COPS4: variants seen among roughly 807,000 people sequenced by gnomAD.
COPS4 encodes COP9 signalosome subunit 4.
Under a neutral mutation model 55.1 loss-of-function variants are expected in COPS4, and 8 were observed. The ratio of observed to expected loss-of-function variants is 0.15; its 90% CI spans 0.09 to 0.26. The LOEUF (loss-of-function observed/expected upper bound fraction) is 0.26, where lower values mean the gene tolerates loss of function less well. Among genes scored for constraint, COPS4 ranks in the 10% least tolerant of loss-of-function variants. COPS4 has a pLI of 1.00. For synonymous variants in COPS4, 185 were observed against 165.7 expected (o/e 1.12, Z -0.90); for missense variants, 248 against 484.0 (o/e 0.51, Z 4.58).
chr4:83,056,849 A>T (rs1393518897), intron 4 of COPS4, 77 bp from the exon 5 acceptor site: 3 of 1,233,850 alleles, frequency 2.4e-6, no homozygotes, highest in Non-Finnish European at 3.4e-6. Context: ...TCAGGAAAAA[A>T]CAACATATCT....
At chr4:83,044,840 G>GTT (rs1448923865) in intron 1 of COPS4, among the ~76,000 whole-genome samples, 1 of 152,174 alleles carries the variant, frequency 6.6e-6, no homozygotes, top group African/African-American at 2.4e-5. Flanking sequence ...CACTCGTTAA[G>GTT]AAATAAAACA....
chr4:83,066,348 T>TA, intron 7 of COPS4, 90 bp from the exon 8 acceptor site: 1 of 609,758 alleles, frequency 1.6e-6, no homozygotes, highest in African/African-American at 1.9e-5. Context: ...GATGAGTTAT[T>TA]ACGTGCCTAG....
intron 7 of COPS4, among the ~76,000 whole-genome samples, chr4:83,064,207 C>T (rs1376764715): frequency 6.6e-6 from 1 of 152,056 alleles, no homozygotes; most frequent in Non-Finnish European, 1.5e-5. Context: ...CATGGTGGTA[C>T]ATACCTGTGG....
At chr4:83,035,707 T>A in intron 1 of COPS4, 1 of 174,448 alleles carries the variant, frequency 5.7e-6, no homozygotes, top group Non-Finnish European at 1.3e-5. Context: ...CAGAGAAATG[T>A]ATATTCTGGG....
chr4:83,053,009 A>G (rs1730923174), intron 4 of COPS4, among the ~76,000 whole-genome samples: 1 of 152,218 alleles, frequency 6.6e-6, no homozygotes, highest in African/African-American at 2.4e-5. Context: ...AGAGTGGGAC[A>G]ATGAATGGAC....
At chr4:83,046,348 G>A (rs964136183) in intron 2 of COPS4, among the ~76,000 whole-genome samples, 6 of 152,198 alleles carry the variant, frequency 3.9e-5, no homozygotes, top group African/African-American at 1.4e-4. Flanking sequence ...ATGTAAATTA[G>A]TTCAGCCACT....
chr4:83,068,435 T>C lies in COPS4; in HGVS notation c.1003-3T>C, dbSNP rs1283403046. The C allele has an allele frequency of 6.3e-7, 1 of 1,597,182 alleles. No individual in the cohort carries two copies. The highest frequency in any genetic ancestry group is 8.6e-7 in the Non-Finnish European group (1 of 1,167,036). The stretch of plus-strand genomic sequence containing the variant: ...TTCTGAGAGTTTTTTTTTCCCCCAA[T>C]AGGCGGAAAAGATAGCATCTCAAAT... On this transcript the variant is annotated splice_region_variant and splice_polypyrimidine_tract_variant and intron_variant, in intron 8 of 9. Transcript: ENST00000264389.
In COPS4 at chr4:83,047,333, C is replaced by T. The variant is rs186334576; in HGVS notation, c.154+1628C>T. On this transcript the variant is annotated intron_variant, in intron 2 of 9. Coordinates refer to ENST00000264389, the MANE Select transcript of COPS4 (RefSeq NM_016129.3). ...GAGTCATGGCACCCAGCCAAGGGAT[C>T]ACTTGAGCTCAGGAGTTCAAAACCA... Among the ~76,000 whole-genome samples the T allele has an allele frequency of 1.1e-3, 171 of 152,260 alleles. 1 individual carries two copies. Among genetic ancestry groups the T allele is most frequent in the African/African-American group, 4.0e-3 (166 of 41,564 alleles).
intron 4 of COPS4, among the ~76,000 whole-genome samples, chr4:83,053,662 G>A (rs1232003855): frequency 6.6e-6 from 1 of 151,926 alleles, no homozygotes; most frequent in African/African-American, 2.4e-5. Flanking sequence ...CCAACATGGT[G>A]AAACCTTGTT....
In COPS4 at chr4:83,039,508, A is replaced by C. The variant is rs528336159; in HGVS notation, c.74+4210A>C. 1.4e-4 allele frequency among the ~76,000 whole-genome samples: 21 copies of C among 152,306 alleles called. No individual in the cohort carries two copies. In the South Asian group the frequency reaches 4.4e-3, roughly 32 times the overall value. On this transcript the variant is annotated intron_variant, in intron 1 of 9. Coordinates refer to ENST00000264389, the MANE Select transcript of COPS4 (RefSeq NM_016129.3). The stretch of plus-strand genomic sequence containing the variant: ...ATTGTAAAGGGACATGGGTACTGGG[A>C]GTGAAATTATATTGTGGCCGTTTTT...
intron 2 of COPS4, among the ~76,000 whole-genome samples, chr4:83,047,498 G>T (rs886584914): frequency 7.2e-5 from 11 of 151,904 alleles, no homozygotes; most frequent in African/African-American, 2.2e-4. Flanking sequence ...AGACTGAAGT[G>T]AGCTGAGGTT....
intron 6 of COPS4, among the ~76,000 whole-genome samples, chr4:83,058,544 T>C (rs1003737646): frequency 1.3e-5 from 2 of 152,182 alleles, no homozygotes; most frequent in Non-Finnish European, 2.9e-5. Flanking sequence ...AGACTAGTTA[T>C]CTTATTTATT....
chr4:83,045,177 G>A (rs1669970416), intron 1 of COPS4, among the ~76,000 whole-genome samples: 1 of 152,176 alleles, frequency 6.6e-6, no homozygotes, highest in Admixed American at 6.5e-5. Context: ...TCTGTAAGAG[G>A]AAAAGATTCA....
chr4:83,065,623 G>A (rs1731275411), intron 7 of COPS4, among the ~76,000 whole-genome samples: 1 of 152,202 alleles, frequency 6.6e-6, no homozygotes, highest in Admixed American at 6.5e-5. Flanking sequence ...TTCAAAGTAG[G>A]ACCCTGGGTC....
In COPS4 at chr4:83,075,579, A is replaced by T. The variant is rs188159951; in HGVS notation, c.*149A>T. On this transcript the variant is annotated 3_prime_UTR_variant, in exon 10 of 10. Coordinates refer to ENST00000264389, the MANE Select transcript of COPS4 (RefSeq NM_016129.3). ...TAAAGAAGACATTATTAGAGCAGGA[A>T]GTACAAGCATTTAAAATATGTAGTT... 20 of 787,296 alleles carry T rather than the reference A, an allele frequency of 2.5e-5. No individual in the cohort carries two copies. The highest frequency in any genetic ancestry group is 3.8e-5 in the Non-Finnish European group (20 of 525,612). The allele number at this position is 787,296 out of a possible 1,614,324, so 48.8% of individuals were successfully genotyped here.
chr4:83,067,260 G>A (rs1291864968), intron 8 of COPS4, among the ~76,000 whole-genome samples: 1 of 151,532 alleles, frequency 6.6e-6, no homozygotes, highest in Non-Finnish European at 1.5e-5. Flanking sequence ...GTTTTCCCCC[G>A]AGACGGACTG....
intron 7 of COPS4, among the ~76,000 whole-genome samples, chr4:83,066,226 AATT>A (rs1157996867): frequency 3.3e-5 from 5 of 152,254 alleles, no homozygotes; most frequent in Admixed American, 1.3e-4. Flanking sequence ...TATGCTTAAT[AATT>A]ACTTGCCAAT....
intron 4 of COPS4, among the ~76,000 whole-genome samples, chr4:83,054,170 G>A (rs995805012): frequency 1.2e-4 from 18 of 151,936 alleles, no homozygotes; most frequent in African/African-American, 3.4e-4. Flanking sequence ...GTGAAACCAC[G>A]TCTCTACTAA....
Position 83,075,511 on chromosome 4 carries a change from C to A in COPS4, c.*81C>A. ...TTCACTATCTCCAAAGCATTTGCAT[C>A]ATGACCTTATACATTTCAATCCCTT... is the stretch of plus-strand genomic sequence containing the variant. On this transcript the variant is annotated 3_prime_UTR_variant, in exon 10 of 10. Transcript: ENST00000264389. 6.6e-7 allele frequency: 1 copy of A among 1,506,292 alleles called. No homozygotes were observed. The allele number at this position is 1,506,292 out of a possible 1,614,324, so 93.3% of individuals were successfully genotyped here.
Sources: gnomAD v4.1 joint callset for allele counts (sites outside exome capture counted in the v4.1 genomes callset) on GRCh38, gnomAD v4.1.1 for gene constraint, MANE v1.5 for transcripts, NCBI Gene and HGNC (gene_info 2026-07-23, HGNC 2026-07-21) for gene names.